TCF4: variants seen among roughly 807,000 people sequenced by gnomAD.
The protein encoded by TCF4 is SL3-3 enhancer factor 2.
TCF4 carries 3 observed loss-of-function variants against 82.1 expected under a neutral mutation model. The ratio of observed to expected loss-of-function variants is 0.04; its 90% CI spans 0.02 to 0.09. The LOEUF (loss-of-function observed/expected upper bound fraction) is 0.09, where lower values mean the gene tolerates loss of function less well. TCF4 is among the 10% of genes least tolerant of loss of function. The pLI is 1.00. For missense variants in TCF4, 518 were observed against 852.7 expected, an observed-to-expected ratio of 0.61 and a Z score of 4.89; for synonymous variants, 276 against 309.6, an observed-to-expected ratio of 0.89 and a Z score of 1.14.
chr18:55,370,122 G>A (rs1032962161), intron 6 of TCF4, among the ~76,000 whole-genome samples: 1 of 152,224 alleles, frequency 6.6e-6, no homozygotes, highest in Admixed American at 6.5e-5. Flanking sequence ...AGAAGGCCGG[G>A]CGCAATGGCT....
intron 5 of TCF4, among the ~76,000 whole-genome samples, chr18:55,414,918 A>T (rs1267346647): frequency 6.6e-6 from 1 of 152,262 alleles, no homozygotes; most frequent in Non-Finnish European, 1.5e-5. Context: ...TTTATAAAGT[A>T]TTATGATGTA....
intron 5 of TCF4, among the ~76,000 whole-genome samples, chr18:55,416,260 T>A (rs1223855235): frequency 6.6e-6 from 1 of 152,130 alleles, no homozygotes; most frequent in Admixed American, 6.5e-5. Context: ...AAAAATTAAC[T>A]CATAAAAGCA....
intron 2 of TCF4, among the ~76,000 whole-genome samples, chr18:55,611,359 A>G (rs1240171841): frequency 1.3e-5 from 2 of 152,184 alleles, no homozygotes; most frequent in African/African-American, 4.8e-5. Flanking sequence ...CTACCACTCT[A>G]CTATGAGTTC....
chr18:55,240,035 A>C lies in TCF4; in HGVS notation c.1351-5352T>G, dbSNP rs7228712. On this transcript the variant is annotated intron_variant, in intron 15 of 19. Transcript: ENST00000354452. Reference sequence around the variant, plus strand: ...TTCAGACCTCAGTCACTTCTATTCTACCATAATCCTTCTAAAAGAGTATAC... The same window carrying C: ...TTCAGACCTCAGTCACTTCTATTCTCCCATAATCCTTCTAAAAGAGTATAC... Among the ~76,000 whole-genome samples, 459 of 152,294 alleles carry C rather than the reference A, an allele frequency of 3.0e-3. 3 individuals carry two copies. Among genetic ancestry groups the C allele is most frequent in the African/African-American group, 0.01 (435 of 41,566 alleles).
intron 11 of TCF4, chr18:55,268,744 A>T (rs574932185): frequency 3.3e-5 from 5 of 152,010 alleles, no homozygotes; most frequent in African/African-American, 9.7e-5. Flanking sequence ...AATTCTACAC[A>T]CTCTCTAAAG....
intron 3 of TCF4, among the ~76,000 whole-genome samples, chr18:55,583,815 T>TA (rs2097603928): frequency 6.6e-6 from 1 of 152,230 alleles, no homozygotes; most frequent in East Asian, 1.9e-4. Context: ...CCACAAAAGA[T>TA]ACTTGTCCTT....
At chr18:55,267,781 T>C (rs1402144226) in intron 11 of TCF4, 1 of 152,132 alleles carries the variant, frequency 6.6e-6, no homozygotes, top group Non-Finnish European at 1.5e-5. Context: ...ATGTATGAAA[T>C]AAATTTCTAA....
chr18:55,320,654 C>G (rs1202891714), intron 8 of TCF4, among the ~76,000 whole-genome samples: 2 of 152,214 alleles, frequency 1.3e-5, no homozygotes, highest in Non-Finnish European at 2.9e-5. Context: ...TCTGATCTGT[C>G]CCCTTTGGCC....
chr18:55,283,832 A>G (rs2063121282), intron 8 of TCF4, among the ~76,000 whole-genome samples: 1 of 152,216 alleles, frequency 6.6e-6, no homozygotes, highest in Admixed American at 6.5e-5. Flanking sequence ...ATCATACAAA[A>G]AACATCAGAC....
chr18:55,446,450 G>C (rs995967259), intron 5 of TCF4, among the ~76,000 whole-genome samples: 1 of 152,114 alleles, frequency 6.6e-6, no homozygotes, highest in Admixed American at 6.5e-5. Context: ...CTCTACAAAG[G>C]AGGCAATGCA....
intron 3 of TCF4, among the ~76,000 whole-genome samples, chr18:55,535,116 A>T (rs1052364806): frequency 3.9e-5 from 6 of 152,228 alleles, no homozygotes; most frequent in African/African-American, 1.4e-4. Context: ...CAGAATTATA[A>T]TCTGCATTAA....
chr18:55,336,300 T>C (rs1246743000), intron 8 of TCF4, among the ~76,000 whole-genome samples: 2 of 152,048 alleles, frequency 1.3e-5, no homozygotes. Flanking sequence ...TGTCTGTGTA[T>C]ACATTTTTTT....
rs747950582 is a variant in TCF4 at position 55,464,150 on chromosome 18, G to C, written c.146-13C>G. On this transcript the variant is annotated splice_polypyrimidine_tract_variant and intron_variant, in intron 3 of 19. Transcript: ENST00000354452. ...CTGTCTTCTACATCTAGGGACAAGAGAAAAGTTCTTTAGGCTTTCTTGCAG... is the reference window on the plus strand; with the variant it reads ...CTGTCTTCTACATCTAGGGACAAGACAAAAGTTCTTTAGGCTTTCTTGCAG... The C allele has an allele frequency of 6.2e-7, 1 of 1,613,726 alleles. No individual in the cohort carries two copies. Among genetic ancestry groups the C allele is most frequent in the South Asian group, 1.1e-5 (1 of 91,070 alleles).
intron 5 of TCF4, among the ~76,000 whole-genome samples, chr18:55,409,850 G>A (rs542724408): frequency 2.6e-5 from 4 of 152,208 alleles, no homozygotes; most frequent in African/African-American, 9.6e-5. Context: ...CCTGATCCCA[G>A]TTTGGAGGTG....
At chr18:55,520,968 C>A (rs1017899049) in intron 3 of TCF4, among the ~76,000 whole-genome samples, 1 of 152,080 alleles carries the variant, frequency 6.6e-6, no homozygotes, top group Admixed American at 6.6e-5. Context: ...TGTGAAATAC[C>A]TAGGCCTTGG....
intron 15 of TCF4, among the ~76,000 whole-genome samples, chr18:55,245,223 T>C (rs986514016): frequency 1.3e-5 from 2 of 152,214 alleles, no homozygotes; most frequent in African/African-American, 4.8e-5. Flanking sequence ...TTCTGTTTTC[T>C]AAGCAATTAA....
At chr18:55,495,054 C>G (rs1161527046) in intron 3 of TCF4, among the ~76,000 whole-genome samples, 1 of 151,468 alleles carries the variant, frequency 6.6e-6, no homozygotes, top group African/African-American at 2.4e-5. Context: ...TAAATGCATT[C>G]TTAGGTCTGG....
At chr18:55,250,396 C>T (rs1038914955) in intron 15 of TCF4, among the ~76,000 whole-genome samples, 17 of 152,218 alleles carry the variant, frequency 1.1e-4, no homozygotes, top group Non-Finnish European at 1.8e-4. Flanking sequence ...CCAACCAACA[C>T]TTATCAAGTT....
intron 2 of TCF4, among the ~76,000 whole-genome samples, chr18:55,596,477 C>T (rs2097691041): frequency 6.6e-6 from 1 of 152,180 alleles, no homozygotes; most frequent in African/African-American, 2.4e-5. Context: ...GCACTTAGCT[C>T]ATTCAACAGT....
Sources: allele counts gnomAD v4.1 joint callset (sites outside exome capture counted in the v4.1 genomes callset), GRCh38; gene constraint gnomAD v4.1.1; transcripts MANE v1.5; gene names NCBI Gene and HGNC (gene_info 2026-07-23, HGNC 2026-07-21).